SH3BGRL2: variants seen among roughly 807,000 people sequenced by gnomAD.
SH3BGRL2 encodes the protein SH3 domain binding glutamate rich protein like 2, also known as SH3 domain-binding glutamic acid-rich-like protein 2.
In SH3BGRL2, 21 loss-of-function variants were observed where a neutral mutation model predicts 14.8. The ratio of observed to expected loss-of-function variants is 1.42; its 90% CI spans 1.01 to 2.05. The LOEUF is 2.05. SH3BGRL2 is among the 30% of genes most tolerant of loss of function. The pLI, the probability that SH3BGRL2 is intolerant of heterozygous loss-of-function variation, is 0.00. For missense variants in SH3BGRL2, 147 were observed against 130.8 expected, an observed-to-expected ratio of 1.12 and a Z score of -0.61; for synonymous variants, 50 against 47.8, an observed-to-expected ratio of 1.05 and a Z score of -0.19.
chr6:79,640,072 T>G (rs1266310123), intron 1 of SH3BGRL2, among the ~76,000 whole-genome samples: 1 of 152,162 alleles, frequency 6.6e-6, no homozygotes, highest in Non-Finnish European at 1.5e-5. Context: ...TGTTTAGCAT[T>G]TTTAGATAGT....
the SH3BGRL2 span, among the ~76,000 whole-genome samples, chr6:79,608,134 G>A: frequency 4.8e-3 from 731 of 152,186 alleles, 9 homozygotes; most frequent in African/African-American, 0.016. Flanking sequence ...AACAGGTCTC[G>A]TGAGAACTCA....
At chr6:79,548,505 C>T in the SH3BGRL2 span, among the ~76,000 whole-genome samples, 5 of 152,114 alleles carry the variant, frequency 3.3e-5, no homozygotes, top group African/African-American at 1.2e-4. Flanking sequence ...ATGCTGGCAG[C>T]ACTACATGTT....
intron 1 of SH3BGRL2, among the ~76,000 whole-genome samples, chr6:79,645,963 T>C (rs1040694244): frequency 6.6e-6 from 1 of 152,218 alleles, no homozygotes; most frequent in Non-Finnish European, 1.5e-5. Flanking sequence ...CTTGAAAAGC[T>C]TGAAAATAGT....
At chr6:79,542,500 C>T in the SH3BGRL2 span, among the ~76,000 whole-genome samples, 10 of 152,244 alleles carry the variant, frequency 6.6e-5, no homozygotes, top group East Asian at 5.8e-4. Flanking sequence ...AACTCTTGAC[C>T]TCAGGTGATC....
chr6:79,644,824 G>A (rs565550032), intron 1 of SH3BGRL2, among the ~76,000 whole-genome samples: 3 of 152,200 alleles, frequency 2.0e-5, no homozygotes, highest in Non-Finnish European at 4.4e-5. Context: ...GAGCTATAAA[G>A]ATTTAATTAA....
chr6:79,607,702 T>G, the SH3BGRL2 span, among the ~76,000 whole-genome samples: 1 of 152,050 alleles, frequency 6.6e-6, no homozygotes, highest in Non-Finnish European at 1.5e-5. Context: ...CCCAGAACTT[T>G]GGGAGGCTGA....
chr6:79,641,495 T>C (rs983360765), intron 1 of SH3BGRL2, among the ~76,000 whole-genome samples: 12 of 152,166 alleles, frequency 7.9e-5, no homozygotes, highest in African/African-American at 2.9e-4. Context: ...GTGTTATGGT[T>C]AAGGCGGGGG....
At chr6:79,576,963 C>A in the SH3BGRL2 span, among the ~76,000 whole-genome samples, 1 of 152,146 alleles carries the variant, frequency 6.6e-6, no homozygotes, top group South Asian at 2.1e-4. Flanking sequence ...TACATTTTCT[C>A]ACAAGATTTG....
At chr6:79,692,111 G>C (rs543520113) in intron 2 of SH3BGRL2, among the ~76,000 whole-genome samples, 1 of 152,334 alleles carries the variant, frequency 6.6e-6, no homozygotes, top group South Asian at 2.1e-4. Flanking sequence ...GGCCAGTGAT[G>C]ATGAGCATTT....
chr6:79,636,896 A>G (rs1768935501), intron 1 of SH3BGRL2, among the ~76,000 whole-genome samples: 1 of 152,148 alleles, frequency 6.6e-6, no homozygotes, highest in South Asian at 2.1e-4. Context: ...TCTTACCTTG[A>G]TTATCTGCAA....
the SH3BGRL2 span, among the ~76,000 whole-genome samples, chr6:79,564,608 G>T: frequency 6.6e-6 from 1 of 152,000 alleles, no homozygotes; most frequent in South Asian, 2.1e-4. Context: ...AATTATTTCA[G>T]CAAGGAGAGG....
At chr6:79,647,834 G>A (rs1769173978) in intron 1 of SH3BGRL2, among the ~76,000 whole-genome samples, 1 of 152,092 alleles carries the variant, frequency 6.6e-6, no homozygotes, top group Admixed American at 6.6e-5. Context: ...AACAGATGTT[G>A]CTTTCCCTGT....
upstream of SH3BGRL2, among the ~76,000 whole-genome samples, chr6:79,627,995 A>G (rs1768762683): frequency 6.6e-6 from 1 of 152,208 alleles, no homozygotes; most frequent in South Asian, 2.1e-4. Flanking sequence ...TCAATTATGA[A>G]AGTAGTTAAG....
At chr6:79,644,983 A>T (rs1415774622) in intron 1 of SH3BGRL2, among the ~76,000 whole-genome samples, 4 of 151,972 alleles carry the variant, frequency 2.6e-5, no homozygotes, top group Non-Finnish European at 5.9e-5. Context: ...AAAGTGGTGA[A>T]ACCCTGTCTC....
chr6:79,538,138 G>C, the SH3BGRL2 span, among the ~76,000 whole-genome samples: 1 of 109,820 alleles, frequency 9.1e-6, no homozygotes, highest in East Asian at 4.7e-4. Flanking sequence ...TTAATTGCGG[G>C]AGACAGGGAA....
At chr6:79,578,089 G>A in the SH3BGRL2 span, among the ~76,000 whole-genome samples, 1 of 152,234 alleles carries the variant, frequency 6.6e-6, no homozygotes, top group Non-Finnish European at 1.5e-5. Context: ...CCATTGCTGA[G>A]GCTTGAGTAG....
intron 3 of SH3BGRL2, 28 bp downstream of exon 3, chr6:79,696,593 T>C: frequency 6.8e-7 from 1 of 1,470,414 alleles, no homozygotes. Context: ...TATTCTTGTT[T>C]TAGAATTCAT....
chr6:79,630,470 C>A (rs1031042964), upstream of SH3BGRL2, among the ~76,000 whole-genome samples: 15 of 152,154 alleles, frequency 9.9e-5, no homozygotes, highest in African/African-American at 3.6e-4. Flanking sequence ...AAAACTATTC[C>A]TAAACTATTA....
At chr6:79,538,102 A>G in the SH3BGRL2 span, among the ~76,000 whole-genome samples, 1 of 120,710 alleles carries the variant, frequency 8.3e-6, no homozygotes, top group Non-Finnish European at 1.6e-5. Flanking sequence ...CTGATGTGTG[A>G]CATATTTTCT....
Sources: gnomAD v4.1 joint callset for allele counts (sites outside exome capture counted in the v4.1 genomes callset) on GRCh38, gnomAD v4.1.1 for gene constraint, MANE v1.5 for transcripts, NCBI Gene and HGNC (gene_info 2026-07-23, HGNC 2026-07-21) for gene names.